Variants in DSCAML1 observed in about 807,000 individuals in gnomAD.
The protein encoded by DSCAML1 is DS cell adhesion molecule like 1.
In DSCAML1, 38 loss-of-function variants were observed where a neutral mutation model predicts 200.5. That is an observed-to-expected ratio of 0.19 (90% CI 0.15 to 0.25). The LOEUF (loss-of-function observed/expected upper bound fraction) is 0.25, where lower values mean the gene tolerates loss of function less well. Among genes scored for constraint, DSCAML1 ranks in the 10% least tolerant of loss-of-function variants. DSCAML1 has a pLI of 1.00. For missense variants in DSCAML1, 2,223 were observed against 2,858.8 expected (o/e 0.78, Z 5.07); for synonymous variants, 1,215 against 1,165.0 (o/e 1.04, Z -0.87).
chr11:117,629,268 G>T (rs1158636101), intron 3 of DSCAML1, among the ~76,000 whole-genome samples: 1 of 152,156 alleles, frequency 6.6e-6, no homozygotes, highest in Non-Finnish European at 1.5e-5. Flanking sequence ...AGGTACATGT[G>T]GGGTGTGAGA....
intron 18 of DSCAML1, 148 bp downstream of exon 18, chr11:117,461,302 C>T: frequency 1.8e-6 from 2 of 1,141,034 alleles, no homozygotes; most frequent in Admixed American, 2.4e-5. Flanking sequence ...ATTATCGCCC[C>T]CCGTGGTCTC....
At chr11:117,605,428 G>A (rs1235863743) in intron 3 of DSCAML1, among the ~76,000 whole-genome samples, 5 of 152,118 alleles carry the variant, frequency 3.3e-5, no homozygotes, top group East Asian at 1.9e-4. Flanking sequence ...CTCTCCCCAC[G>A]CACAGAGTCA....
In DSCAML1 at chr11:117,494,476, G is replaced by T. The variant is rs1331987419; in HGVS notation, c.2359+9369C>A. The stretch of plus-strand genomic sequence containing the variant: ...GATTTTTTGGCTAGGAAACTATTTT[G>T]CATTCAGATAGCAGCAGTTATAGGA... On this transcript the variant is annotated intron_variant, in intron 11 of 32. Coordinates refer to ENST00000651296, the MANE Select transcript of DSCAML1 (RefSeq NM_020693.4). Among the ~76,000 whole-genome samples the T allele has an allele frequency of 6.6e-5, 10 of 152,312 alleles. No homozygotes were observed. In the East Asian group the frequency reaches 1.9e-3, roughly 29 times the overall value.
At chr11:117,477,505 C>CA (rs538725797) in intron 14 of DSCAML1, among the ~76,000 whole-genome samples, 52 of 145,296 alleles carry the variant, frequency 3.6e-4, no homozygotes, top group East Asian at 1.0e-3. Context: ...CATGATTCTG[C>CA]AAAAAAAAAA....
Position 117,769,292 on chromosome 11 carries a change from ATATTTATATATATTTT to A in DSCAML1, c.511+7483_511+7498del, listed in dbSNP as rs1565273670. Among the ~76,000 whole-genome samples, 4 of 3,180 alleles carry A rather than the reference ATATTTATATATATTTT, an allele frequency of 1.3e-3. No individual in the cohort carries two copies. The Non-Finnish European group carries it at 0.014, about 11-fold the overall frequency. The allele number at this position is 3,180 out of a possible 152,430, so 2.1% of individuals were successfully genotyped here. A position where few individuals can be genotyped will look rare whatever the true frequency, so the allele number is the denominator to read the frequency against. ...TATATTTATATATTATATATTTTAT[ATATTTATATATATTTT>A]TATATAATATATATTTTATATATAT... On this transcript the variant is annotated intron_variant, in intron 3 of 32. Coordinates refer to ENST00000651296, the MANE Select transcript of DSCAML1 (RefSeq NM_020693.4).
At chr11:117,485,132 G>C (rs1160659332) in intron 11 of DSCAML1, among the ~76,000 whole-genome samples, 1 of 152,106 alleles carries the variant, frequency 6.6e-6, no homozygotes, top group African/African-American at 2.4e-5. Context: ...AATGAAGCAG[G>C]GACCATGTTT....
At chr11:117,452,347 TTTATC>T (rs1423611521) in intron 19 of DSCAML1, among the ~76,000 whole-genome samples, 1 of 152,242 alleles carries the variant, frequency 6.6e-6, no homozygotes, top group African/African-American at 2.4e-5. Flanking sequence ...AATTGAGTCT[TTTATC>T]AGAACAAAGG....
chr11:117,705,255 T>C (rs1473001553), intron 3 of DSCAML1, among the ~76,000 whole-genome samples: 2 of 152,216 alleles, frequency 1.3e-5, no homozygotes, highest in African/African-American at 4.8e-5. Flanking sequence ...GGGTAGTGCT[T>C]GGTGGCAAGT....
At chr11:117,767,010 C>T (rs2054910045) in intron 3 of DSCAML1, among the ~76,000 whole-genome samples, 2 of 152,118 alleles carry the variant, frequency 1.3e-5, no homozygotes, top group Non-Finnish European at 2.9e-5. Flanking sequence ...TGAGCAGGTC[C>T]CTCAGTGCCC....
At chr11:117,549,193 G>C (rs1218411525) in intron 3 of DSCAML1, among the ~76,000 whole-genome samples, 1 of 152,178 alleles carries the variant, frequency 6.6e-6, no homozygotes, top group South Asian at 2.1e-4. Context: ...CCTGCACACA[G>C]AAGCCCCACA....
Position 117,437,203 on chromosome 11 carries a change from A to G in DSCAML1, c.4639T>C (p.Tyr1547His). ...FLTELREATW[Y>H]ELRMRACNSA... ...TTGCAAGCCCTCATGCGCAGCTCGTACCACGTGGCCTCTCGCAGTTCCGTC... is the reference window on the plus strand; with the variant it reads ...TTGCAAGCCCTCATGCGCAGCTCGTGCCACGTGGCCTCTCGCAGTTCCGTC... The change falls in exon 26 of 33, where the codon TAC becomes CAC. Residue 1547 changes from tyrosine (Y) to histidine (H), a missense_variant. This residue lies in a region of DSCAML1 where 614 missense variants were observed against 739.1 expected (regional missense o/e 0.83). Coordinates refer to ENST00000651296, the MANE Select transcript of DSCAML1 (RefSeq NM_020693.4). This position sits in a 1 kb window ranked among gnomAD's most constrained non-coding sequence, Gnocchi z 5.3. 6.2e-7 allele frequency: 1 copy of G among 1,614,088 alleles called. No homozygotes were observed. Among genetic ancestry groups the G allele is most frequent in the Non-Finnish European group, 8.5e-7 (1 of 1,180,014 alleles).
chr11:117,758,367 T>C (rs964013547), intron 3 of DSCAML1, among the ~76,000 whole-genome samples: 9 of 151,938 alleles, frequency 5.9e-5, no homozygotes, highest in African/African-American at 2.2e-4. Context: ...TTCAGGGTTG[T>C]AAATAACATT....
intron 3 of DSCAML1, among the ~76,000 whole-genome samples, chr11:117,707,841 G>T (rs999864567): frequency 6.6e-6 from 1 of 152,258 alleles, no homozygotes; most frequent in Admixed American, 6.5e-5. Flanking sequence ...CCCCAAGGAA[G>T]CTTTTCAACA....
chr11:117,807,460 A>C (rs2055716322), intron 1 of DSCAML1, among the ~76,000 whole-genome samples: 1 of 152,206 alleles, frequency 6.6e-6, no homozygotes, highest in African/African-American at 2.4e-5. Context: ...AAGAGCAAGA[A>C]GGGATGAGAT....
intron 3 of DSCAML1, among the ~76,000 whole-genome samples, chr11:117,636,267 TA>T (rs2052280994): frequency 6.6e-6 from 1 of 152,136 alleles, no homozygotes; most frequent in Non-Finnish European, 1.5e-5. Flanking sequence ...ATTTGGGGAA[TA>T]GGTGAGTATT....
At chr11:117,595,049 G>T (rs7129933) in intron 3 of DSCAML1, among the ~76,000 whole-genome samples, 7 of 65,246 alleles carry the variant, frequency 1.1e-4, no homozygotes, top group Admixed American at 7.1e-4. Flanking sequence ...TGATTACTCT[G>T]TCTTTCTCTT....
intron 3 of DSCAML1, among the ~76,000 whole-genome samples, chr11:117,698,726 T>C (rs1045433418): frequency 1.3e-5 from 2 of 152,218 alleles, no homozygotes; most frequent in African/African-American, 4.8e-5. Flanking sequence ...TATATCTTCT[T>C]TGGAGAAATG....
chr11:117,559,711 C>T (rs12803171), intron 3 of DSCAML1, among the ~76,000 whole-genome samples: 14,736 of 152,122 alleles, frequency 0.097, 864 homozygotes, highest in East Asian at 0.2. Flanking sequence ...CATGAAGAGG[C>T]GCTCTTCAGA....
At chr11:117,714,511 A>T (rs1159643829) in intron 3 of DSCAML1, among the ~76,000 whole-genome samples, 1 of 152,118 alleles carries the variant, frequency 6.6e-6, no homozygotes, top group Non-Finnish European at 1.5e-5. Flanking sequence ...ACATGAAGAA[A>T]AGAAGAACAA....
Sources: gnomAD v4.1 joint callset for allele counts (sites outside exome capture counted in the v4.1 genomes callset) on GRCh38, gnomAD v4.1.1 for gene constraint, gnomAD v4.1.1 regional missense constraint, Gnocchi (gnomAD v3.1) non-coding constraint, MANE v1.5 for transcripts, NCBI Gene and HGNC (gene_info 2026-07-23, HGNC 2026-07-21) for gene names.